Variants in NUBPL observed in about 807,000 individuals in gnomAD.
The protein encoded by NUBPL is NUBP iron-sulfur cluster assembly factor, mitochondrial, also known as iron-sulfur cluster transfer protein NUBPL.
NUBPL carries 31 observed loss-of-function variants against 45.7 expected under a neutral mutation model. The ratio of observed to expected loss-of-function variants is 0.68; its 90% CI spans 0.51 to 0.92. The LOEUF (loss-of-function observed/expected upper bound fraction) is 0.92. Ranked by LOEUF, NUBPL falls within the 40% of genes least tolerant of loss-of-function variation. The pLI, the probability that NUBPL is intolerant of heterozygous loss-of-function variation, is 0.00. For missense variants in NUBPL, 401 were observed against 398.7 expected (o/e 1.01, Z -0.05); for synonymous variants, 144 against 140.9 (o/e 1.02, Z -0.15).
chr14:31,615,531 A>C (rs145377098), intron 4 of NUBPL, among the ~76,000 whole-genome samples: 1 of 152,066 alleles, frequency 6.6e-6, no homozygotes, highest in East Asian at 1.9e-4. Flanking sequence ...CCCACTTATG[A>C]GTGAGAACAT....
chr14:31,813,185 C>T (rs1007206554), intron 7 of NUBPL, among the ~76,000 whole-genome samples: 24 of 151,902 alleles, frequency 1.6e-4, no homozygotes, highest in Non-Finnish European at 1.5e-5. Context: ...GACGGGGTTT[C>T]ACCATGTTAG....
chr14:31,720,623 TC>T (rs2037787481), intron 6 of NUBPL, among the ~76,000 whole-genome samples: 2 of 152,236 alleles, frequency 1.3e-5, no homozygotes, highest in Admixed American at 1.3e-4. Context: ...CTTACTTTCT[TC>T]TTCAATGCTT....
intron 8 of NUBPL, among the ~76,000 whole-genome samples, chr14:31,827,045 A>T (rs1279331791): frequency 1.3e-5 from 2 of 152,202 alleles, no homozygotes; most frequent in Admixed American, 1.3e-4. Flanking sequence ...TAGATCACTT[A>T]TGGGGAAGCG....
intron 6 of NUBPL, among the ~76,000 whole-genome samples, chr14:31,781,674 T>C: frequency 6.6e-6 from 1 of 152,242 alleles, no homozygotes; most frequent in East Asian, 1.9e-4. Context: ...TGTGCTTTAA[T>C]ATCAACATTC....
chr14:31,580,593 AAC>A (rs2139491952), intron 3 of NUBPL, among the ~76,000 whole-genome samples: 1 of 152,302 alleles, frequency 6.6e-6, no homozygotes, highest in Non-Finnish European at 1.5e-5. Flanking sequence ...CAGCCTGGGC[AAC>A]AGAGTGAGAC....
At chr14:31,597,609 G>T (rs549775243) in intron 3 of NUBPL, among the ~76,000 whole-genome samples, 1 of 152,274 alleles carries the variant, frequency 6.6e-6, no homozygotes, top group South Asian at 2.1e-4. Flanking sequence ...GACAGGTAAT[G>T]TTAGAAGATC....
chr14:31,712,385 C>T (rs889624595), intron 6 of NUBPL, among the ~76,000 whole-genome samples: 3 of 152,218 alleles, frequency 2.0e-5, no homozygotes, highest in Non-Finnish European at 4.4e-5. Flanking sequence ...AGAGGGAGTT[C>T]GTCCCCTGAT....
chr14:31,855,208 A>G (rs1406444332), intron 10 of NUBPL, among the ~76,000 whole-genome samples: 1 of 152,238 alleles, frequency 6.6e-6, no homozygotes, highest in African/African-American at 2.4e-5. Context: ...AGCTACTAGG[A>G]GATAAAAGGT....
intron 3 of NUBPL, among the ~76,000 whole-genome samples, chr14:31,576,052 CTG>C (rs2033709156): frequency 6.6e-6 from 1 of 152,118 alleles, no homozygotes; most frequent in African/African-American, 2.4e-5. Flanking sequence ...TAAAGCAAAA[CTG>C]TTTACTAAAA....
chr14:31,705,062 C>T (rs2037417472), intron 6 of NUBPL, among the ~76,000 whole-genome samples: 1 of 152,030 alleles, frequency 6.6e-6, no homozygotes, highest in African/African-American at 2.4e-5. Flanking sequence ...GCTGTTTATT[C>T]CTTCCAGTGG....
At chr14:31,676,600 C>A (rs901148394) in intron 6 of NUBPL, among the ~76,000 whole-genome samples, 6 of 151,882 alleles carry the variant, frequency 4.0e-5, no homozygotes, top group Non-Finnish European at 5.9e-5. Flanking sequence ...AGTCTCGTTA[C>A]TTTTAACCAT....
intron 6 of NUBPL, among the ~76,000 whole-genome samples, chr14:31,726,842 A>G (rs1367828975): frequency 6.6e-6 from 1 of 150,562 alleles, no homozygotes; most frequent in Non-Finnish European, 1.5e-5. Context: ...GCTTCTCAAC[A>G]GTGGCACTAT....
chr14:31,761,562 G>T (rs1201080169), intron 6 of NUBPL, among the ~76,000 whole-genome samples: 2 of 152,136 alleles, frequency 1.3e-5, no homozygotes, highest in Non-Finnish European at 2.9e-5. Flanking sequence ...GTACATACAT[G>T]TATGTGTGTT....
At chr14:31,789,277 G>GAT (rs2039337727) in intron 7 of NUBPL, among the ~76,000 whole-genome samples, 1 of 151,912 alleles carries the variant, frequency 6.6e-6, no homozygotes, top group East Asian at 1.9e-4. Flanking sequence ...AGTGAGCTGA[G>GAT]ATAGTGCCAT....
chr14:31,784,205 C>G (rs1566560177), intron 6 of NUBPL, among the ~76,000 whole-genome samples: 1 of 152,148 alleles, frequency 6.6e-6, no homozygotes, highest in Admixed American at 6.5e-5. Context: ...ACAACATTTT[C>G]TATATAAGAC....
At chr14:31,687,334 T>A (rs1253630876) in intron 6 of NUBPL, among the ~76,000 whole-genome samples, 1 of 152,228 alleles carries the variant, frequency 6.6e-6, no homozygotes, top group African/African-American at 2.4e-5. Context: ...ATGTCATGAA[T>A]GCCTAAAATA....
Position 31,769,712 on chromosome 14 carries a change from T to C in NUBPL, c.514-18068T>C, listed in dbSNP as rs1204331740. 3.3e-5 allele frequency among the ~76,000 whole-genome samples: 5 copies of C among 152,120 alleles called. No individual in the cohort carries two copies. The East Asian group carries it at 7.7e-4, about 23-fold the overall frequency. ...TTGGTGCTTTTGGATAAAAATTCCT[T>C]TTGCTCACCTTTTCCTTAAATCCCT... On this transcript the variant is annotated intron_variant, in intron 6 of 10. Transcript: ENST00000281081.
At chr14:31,755,878 A>C (rs2038649016) in intron 6 of NUBPL, among the ~76,000 whole-genome samples, 2 of 150,854 alleles carry the variant, frequency 1.3e-5, no homozygotes, top group Admixed American at 6.6e-5. Context: ...TTTTTGTATA[A>C]GGTGTAAGGA....
chr14:31,805,921 T>A (rs2039676569), intron 7 of NUBPL, among the ~76,000 whole-genome samples: 2 of 144,036 alleles, frequency 1.4e-5, no homozygotes, highest in African/African-American at 2.6e-5. Context: ...AATTAAAAAA[T>A]TTTGGGGGGC....
Sources: gnomAD v4.1 joint callset for allele counts (sites outside exome capture counted in the v4.1 genomes callset) on GRCh38, gnomAD v4.1.1 for gene constraint, MANE v1.5 for transcripts, NCBI Gene and HGNC (gene_info 2026-07-23, HGNC 2026-07-21) for gene names.